The following PPP3CA variants were observed in gnomAD, a reference collection of about 807,000 sequenced individuals.
PPP3CA encodes CAM-PRP catalytic subunit.
Under a neutral mutation model 66.5 loss-of-function variants are expected in PPP3CA, and 14 were observed. That is an observed-to-expected ratio of 0.21 (90% CI 0.14 to 0.33). The LOEUF is 0.33. PPP3CA is among the 10% of genes least tolerant of loss of function. The pLI is 1.00. For missense variants in PPP3CA, 317 were observed against 639.5 expected (o/e 0.50, Z 5.44); for synonymous variants, 232 against 226.2 (o/e 1.03, Z -0.23).
intron 8 of PPP3CA, among the ~76,000 whole-genome samples, chr4:101,064,186 T>C (rs1052851257): frequency 6.6e-6 from 1 of 152,002 alleles, no homozygotes; most frequent in African/African-American, 2.4e-5. Flanking sequence ...GCATGCTTCA[T>C]GTCTCTGTGA....
intron 1 of PPP3CA, among the ~76,000 whole-genome samples, chr4:101,289,911 T>TGC (rs1178728919): frequency 7.1e-6 from 1 of 141,828 alleles, no homozygotes; most frequent in Non-Finnish European, 1.5e-5. Context: ...TGTGTGTGTG[T>TGC]GTCAGATGTT....
intron 1 of PPP3CA, among the ~76,000 whole-genome samples, chr4:101,252,083 C>T (rs913060351): frequency 6.6e-6 from 1 of 152,114 alleles, no homozygotes; most frequent in Non-Finnish European, 1.5e-5. Flanking sequence ...AAAATCAGTT[C>T]TAAGAAGTAA....
At chr4:101,029,292 G>T (rs1726810256) in intron 12 of PPP3CA, 97 bp from the exon 13 acceptor site, 7 of 837,364 alleles carry the variant, frequency 8.4e-6, no homozygotes. Flanking sequence ...GGAGCTAAGA[G>T]AACTAATGTT....
intron 1 of PPP3CA, among the ~76,000 whole-genome samples, chr4:101,229,095 G>C (rs1199842629): frequency 1.3e-5 from 2 of 151,576 alleles, no homozygotes; most frequent in Non-Finnish European, 3.0e-5. Flanking sequence ...AGTTTAATAA[G>C]TAAATTATAT....
chr4:101,193,160 C>A (rs2659512), intron 2 of PPP3CA, among the ~76,000 whole-genome samples: 37,237 of 152,018 alleles, frequency 0.24, 7,165 homozygotes, highest in African/African-American at 0.52. Context: ...CTGTTATATT[C>A]TGAGCCCTTG....
intron 1 of PPP3CA, among the ~76,000 whole-genome samples, chr4:101,224,538 G>A (rs1358733546): frequency 6.6e-6 from 1 of 151,642 alleles, no homozygotes; most frequent in East Asian, 2.0e-4. Flanking sequence ...CATTGCTAGC[G>A]CTCCAGGGAG....
At chr4:101,106,425 GA>G (rs142727009) in intron 3 of PPP3CA, among the ~76,000 whole-genome samples, 1 of 10,764 alleles carries the variant, frequency 9.3e-5, no homozygotes, top group East Asian at 2.1e-3. Flanking sequence ...AAGAAAGAAA[GA>G]AAGAAAGAAA....
At chr4:101,124,104 G>A (rs763101998) in intron 2 of PPP3CA, among the ~76,000 whole-genome samples, 6 of 152,018 alleles carry the variant, frequency 3.9e-5, no homozygotes, top group Non-Finnish European at 8.8e-5. Flanking sequence ...ATCAGGCTAG[G>A]CTTTTAAAGA....
At chr4:101,310,813 A>T (rs1414319232) in intron 1 of PPP3CA, among the ~76,000 whole-genome samples, 2 of 152,240 alleles carry the variant, frequency 1.3e-5, no homozygotes, top group Non-Finnish European at 2.9e-5. Context: ...TGAGCAAAGG[A>T]TCTTATTCAA....
chr4:101,069,166 C>T (rs1004108733), intron 8 of PPP3CA, among the ~76,000 whole-genome samples: 10 of 152,088 alleles, frequency 6.6e-5, no homozygotes, highest in African/African-American at 2.2e-4. Context: ...TCCCAAGTAG[C>T]TGGGACTACA....
intron 1 of PPP3CA, among the ~76,000 whole-genome samples, chr4:101,236,371 T>C (rs1726131811): frequency 6.6e-6 from 1 of 151,858 alleles, no homozygotes; most frequent in Non-Finnish European, 1.5e-5. Context: ...GAGCTTAGCA[T>C]TTAGAAGAAC....
Position 101,125,112 on chromosome 4 carries a change from G to A in PPP3CA, c.260-16034C>T, listed in dbSNP as rs529597291. ...AAATGCTCGTTAGCACATAGGCAGGGGGGGTATAAGATACTATAGAAACTT... is the reference window on the plus strand; with the variant it reads ...AAATGCTCGTTAGCACATAGGCAGGAGGGGTATAAGATACTATAGAAACTT... On this transcript the variant is annotated intron_variant, in intron 2 of 13. Coordinates refer to ENST00000394854, the MANE Select transcript of PPP3CA (RefSeq NM_000944.5). 4.8e-4 allele frequency among the ~76,000 whole-genome samples: 73 copies of A among 152,310 alleles called. 1 individual carries two copies. In the South Asian group the frequency reaches 0.015, roughly 30 times the overall value.
chr4:101,318,086 T>C (rs1007621197), intron 1 of PPP3CA, among the ~76,000 whole-genome samples: 6 of 152,220 alleles, frequency 3.9e-5, no homozygotes, highest in African/African-American at 1.4e-4. Flanking sequence ...AATTTGGTAA[T>C]ATAAATTGCC....
intron 6 of PPP3CA, among the ~76,000 whole-genome samples, chr4:101,087,844 T>G (rs1019291787): frequency 2.6e-4 from 39 of 152,044 alleles, no homozygotes; most frequent in Non-Finnish European, 4.6e-4. Flanking sequence ...GAATGTTCAG[T>G]TTTAACAGAT....
At chr4:101,055,855 T>C (rs1223882528) in intron 10 of PPP3CA, among the ~76,000 whole-genome samples, 2 of 151,934 alleles carry the variant, frequency 1.3e-5, no homozygotes, top group Non-Finnish European at 2.9e-5. Context: ...TTTTACAGTA[T>C]ACTTATATAT....
At chr4:101,036,057 G>A (rs1412449444) in intron 11 of PPP3CA, among the ~76,000 whole-genome samples, 4 of 152,150 alleles carry the variant, frequency 2.6e-5, no homozygotes, top group African/African-American at 7.2e-5. Flanking sequence ...TGCTGTAAGT[G>A]TAAAATACAC....
chr4:101,220,414 A>G (rs1045782118), intron 1 of PPP3CA, among the ~76,000 whole-genome samples: 1 of 151,450 alleles, frequency 6.6e-6, no homozygotes, highest in African/African-American at 2.4e-5. Flanking sequence ...ATTTGAATCT[A>G]TCTCTTTATA....
Position 101,346,859 on chromosome 4 carries a change from C to A in PPP3CA, c.-63G>T. ...GTCCGACTGCACACCCCGACCGGAC[C>A]GGCGGGCCAGACACTCAACGCCGCC... is the stretch of plus-strand genomic sequence containing the variant. On this transcript the variant is annotated 5_prime_UTR_variant, in exon 1 of 14. Coordinates refer to ENST00000394854, the MANE Select transcript of PPP3CA (RefSeq NM_000944.5). 6.4e-7 allele frequency: 1 copy of A among 1,564,734 alleles called. No individual in the cohort carries two copies. The highest frequency in any genetic ancestry group is 2.3e-5 in the East Asian group (1 of 42,702).
chr4:101,238,126 T>G (rs1208383256), intron 1 of PPP3CA, among the ~76,000 whole-genome samples: 2 of 152,064 alleles, frequency 1.3e-5, no homozygotes, highest in African/African-American at 4.8e-5. Context: ...GAGTGTGATA[T>G]GGCCACCAGA....
Sources: allele counts gnomAD v4.1 joint callset (sites outside exome capture counted in the v4.1 genomes callset), GRCh38; gene constraint gnomAD v4.1.1; transcripts MANE v1.5; gene names NCBI Gene and HGNC (gene_info 2026-07-23, HGNC 2026-07-21).